TLL1: variants seen among roughly 807,000 people sequenced by gnomAD.
TLL1 encodes the protein tolloid like 1, also known as tolloid-like protein 1.
In TLL1, 49 loss-of-function variants were observed where a neutral mutation model predicts 128.2. The observed-to-expected ratio is 0.38, with a 90% CI of 0.30 to 0.48. TLL1 has a LOEUF of 0.48. TLL1 is among the 20% of genes least tolerant of loss of function. The pLI is 0.96. For missense variants in TLL1, 1,123 were observed against 1,242.0 expected (o/e 0.90, Z 1.44); for synonymous variants, 454 against 418.8 (o/e 1.08, Z -1.03).
chr4:165,995,395 CAGTT>C (rs138634941), intron 5 of TLL1, among the ~76,000 whole-genome samples: 2,117 of 152,264 alleles, frequency 0.014, 51 homozygotes, highest in African/African-American at 0.049. Flanking sequence ...TCTACCACCT[CAGTT>C]ACTTTCTAAC....
chr4:166,043,424 A>G lies in TLL1; in HGVS notation c.1524+5A>G. On this transcript the variant is annotated splice_donor_5th_base_variant and intron_variant, in intron 12 of 20. Coordinates refer to ENST00000061240, the MANE Select transcript of TLL1 (RefSeq NM_012464.5). ...CTGACCTTTCAGTCCTTTGAGGTAA[A>G]GTCTTTTAGGCTATCTTCCTGGCAA... is the stretch of plus-strand genomic sequence containing the variant. 6.2e-7 allele frequency: 1 copy of G among 1,613,994 alleles called. No individual in the cohort carries two copies. The highest frequency in any genetic ancestry group is 8.5e-7 in the Non-Finnish European group (1 of 1,179,898).
At chr4:165,901,286 G>A (rs1579460822) in intron 1 of TLL1, among the ~76,000 whole-genome samples, 1 of 152,126 alleles carries the variant, frequency 6.6e-6, no homozygotes, top group Non-Finnish European at 1.5e-5. Context: ...CCTTGCTGGT[G>A]AGGAGTTGTG....
At chr4:165,970,225 A>G (rs1735572326) in intron 1 of TLL1, among the ~76,000 whole-genome samples, 1 of 152,192 alleles carries the variant, frequency 6.6e-6, no homozygotes, top group Non-Finnish European at 1.5e-5. Flanking sequence ...TTGTGATTAG[A>G]GATGCTCTAT....
At chr4:165,952,029 T>A (rs1337870674) in intron 1 of TLL1, among the ~76,000 whole-genome samples, 1 of 152,148 alleles carries the variant, frequency 6.6e-6, no homozygotes, top group African/African-American at 2.4e-5. Context: ...ATGTTTTATG[T>A]TGAGGTAGCT....
intron 16 of TLL1, among the ~76,000 whole-genome samples, chr4:166,072,981 G>A (rs1304189881): frequency 6.6e-6 from 1 of 152,032 alleles, no homozygotes; most frequent in East Asian, 1.9e-4. Flanking sequence ...TTGACCCAGG[G>A]TACAACTGAG....
intron 9 of TLL1, chr4:166,030,548 GC>G (rs1320712072): frequency 1.7e-6 from 1 of 576,630 alleles, no homozygotes; most frequent in Non-Finnish European, 3.2e-6. Context: ...TATTGCCTGT[GC>G]TTTTGGTGTC....
intron 8 of TLL1, among the ~76,000 whole-genome samples, chr4:166,021,259 A>T (rs1738217873): frequency 1.3e-5 from 2 of 151,848 alleles, no homozygotes; most frequent in African/African-American, 2.4e-5. Context: ...CTTTTAATTT[A>T]TTCATGGATA....
intron 1 of TLL1, among the ~76,000 whole-genome samples, chr4:165,973,287 C>T (rs1352691801): frequency 2.0e-5 from 3 of 151,994 alleles, no homozygotes; most frequent in East Asian, 1.9e-4. Context: ...AGCATGTTTA[C>T]GTTGTCTTTC....
At chr4:165,973,267 A>G (rs1437651005) in intron 1 of TLL1, among the ~76,000 whole-genome samples, 1 of 152,088 alleles carries the variant, frequency 6.6e-6, no homozygotes, top group African/African-American at 2.4e-5. Flanking sequence ...TGCAGCCTTT[A>G]CCATCTTAAA....
chr4:166,033,853 C>T (rs1448780395), intron 9 of TLL1, among the ~76,000 whole-genome samples: 3 of 152,068 alleles, frequency 2.0e-5, no homozygotes, highest in African/African-American at 7.2e-5. Context: ...ATTCTTGCAT[C>T]CCTTAGAATT....
At chr4:165,952,989 C>A (rs1205821831) in intron 1 of TLL1, among the ~76,000 whole-genome samples, 1 of 152,034 alleles carries the variant, frequency 6.6e-6, no homozygotes, top group Non-Finnish European at 1.5e-5. Flanking sequence ...TACTTCTAAC[C>A]CTGGTGGATT....
In TLL1 at chr4:166,104,197, CTA is replaced by C. The variant is rs1202996247; in HGVS notation, c.*3322_*3323del. ...TTTGTTCTGCCATGTAGAAAAATCTCTAAAAGCATCAAATGACTAATTTTATT... is the reference window on the plus strand; with the variant it reads ...TTTGTTCTGCCATGTAGAAAAATCTCAAAGCATCAAATGACTAATTTTATT... On this transcript the variant is annotated 3_prime_UTR_variant, in exon 21 of 21. Transcript: ENST00000061240. Among the ~76,000 whole-genome samples the C allele has an allele frequency of 6.6e-6, 1 of 151,850 alleles. No individual in the cohort carries two copies. Among genetic ancestry groups the C allele is most frequent in the Non-Finnish European group, 1.5e-5 (1 of 67,908 alleles).
Position 166,061,396 on chromosome 4 carries a change from G to A in TLL1, c.2007+1208G>A, listed in dbSNP as rs560882622. Among the ~76,000 whole-genome samples, 58 of 151,828 alleles carry A rather than the reference G, an allele frequency of 3.8e-4. No homozygotes were observed. In the Middle Eastern group the frequency reaches 0.01, roughly 27 times the overall value. On this transcript the variant is annotated intron_variant, in intron 15 of 20. Coordinates refer to ENST00000061240, the MANE Select transcript of TLL1 (RefSeq NM_012464.5). ...CGAATAGCTGGGATTACAGGCATGC[G>A]CCACCACACCCAGCTAATTTTTGCA...
intron 2 of TLL1, among the ~76,000 whole-genome samples, chr4:165,990,407 A>T (rs1736582614): frequency 6.6e-6 from 1 of 152,008 alleles, no homozygotes; most frequent in South Asian, 2.1e-4. Context: ...GCACATATAT[A>T]TTATGGACTT....
intron 15 of TLL1, among the ~76,000 whole-genome samples, chr4:166,062,968 T>G (rs568450486): frequency 6.6e-6 from 1 of 152,314 alleles, no homozygotes; most frequent in South Asian, 2.1e-4. Flanking sequence ...CTGCATCTAT[T>G]GAGATAATCA....
chr4:166,054,019 A>C (rs1739882331), intron 12 of TLL1, among the ~76,000 whole-genome samples: 1 of 152,122 alleles, frequency 6.6e-6, no homozygotes, highest in Non-Finnish European at 1.5e-5. Flanking sequence ...CAGGGCTGAA[A>C]CATGGGTCCA....
chr4:166,063,825 G>A (rs114088752), intron 15 of TLL1, among the ~76,000 whole-genome samples: 1,626 of 151,890 alleles, frequency 0.011, 33 homozygotes, highest in African/African-American at 0.036. Flanking sequence ...GGAACATCAC[G>A]CCACACACCG....
chr4:165,891,269 A>T (rs1290543785), intron 1 of TLL1, among the ~76,000 whole-genome samples: 2 of 151,944 alleles, frequency 1.3e-5, no homozygotes, highest in Non-Finnish European at 2.9e-5. Flanking sequence ...TGTCTTGGAG[A>T]TTGACATTTG....
Position 165,873,957 on chromosome 4 carries a change from G to C in TLL1, c.53G>C (p.Gly18Ala), listed in dbSNP as rs1361564127. ...ATGCTCGTGTGGCTGGTGGCCTCGG[G>C]GATTGTTTTCTACGGGGAGCTATGG... ...PRMLVWLVAS[G>A]IVFYGELWVC... Residue 18 changes from glycine to alanine, a missense_variant, in exon 1 of 21, where the codon GGG becomes GCG. By Grantham distance (60) the Gly-to-Ala change is moderately conservative. This residue lies in a region of TLL1 where 480 missense variants were observed against 542.4 expected (regional missense o/e 0.89). Coordinates refer to ENST00000061240, the MANE Select transcript of TLL1 (RefSeq NM_012464.5). The C allele has an allele frequency of 6.2e-7, 1 of 1,614,004 alleles. No individual in the cohort carries two copies. The highest frequency in any genetic ancestry group is 8.5e-7 in the Non-Finnish European group (1 of 1,180,028).
Sources: allele counts gnomAD v4.1 joint callset (sites outside exome capture counted in the v4.1 genomes callset), GRCh38; gene constraint gnomAD v4.1.1; regional missense constraint gnomAD v4.1.1; transcripts MANE v1.5; gene names NCBI Gene and HGNC (gene_info 2026-07-23, HGNC 2026-07-21).